DUOXA1: variants seen among roughly 807,000 people sequenced by gnomAD.
DUOXA1 encodes dual oxidase maturation factor 1.
DUOXA1 carries 19 observed loss-of-function variants against 26.6 expected under a neutral mutation model. The observed-to-expected ratio is 0.71, with a 90% CI of 0.50 to 1.05. DUOXA1 has a LOEUF of 1.05. Ranked by LOEUF, DUOXA1 falls within the 50% of genes least tolerant of loss-of-function variation. The pLI is 0.00. For missense variants in DUOXA1, 403 were observed against 427.5 expected, an observed-to-expected ratio of 0.94 and a Z score of 0.51; for synonymous variants, 166 against 177.0, an observed-to-expected ratio of 0.94 and a Z score of 0.49.
Position 45,117,981 on chromosome 15 carries a change from G to A in DUOXA1, c.*1125C>T. 6.2e-7 allele frequency: 1 copy of A among 1,612,512 alleles called. No individual in the cohort carries two copies. The highest frequency in any genetic ancestry group is 8.5e-7 in the Non-Finnish European group (1 of 1,179,546). On this transcript the variant is annotated 3_prime_UTR_variant, in exon 9 of 9. Transcript: ENST00000560572. ...CGGGAAGCAGTGCCCGCCAGGCCTG[G>A]GCCAGGAGAGCTCCAGGAAGGGCAC...
At position 45,120,212 on chromosome 15, in the gene DUOXA1, C is replaced by T. The variant is rs1391193682; in HGVS notation, c.663G>A (p.Leu221=). 5.0e-6 allele frequency: 8 copies of T among 1,614,090 alleles called. No individual in the cohort carries two copies. In the South Asian group the frequency reaches 8.8e-5, roughly 18 times the overall value. Residue 221 remains leucine (L), a synonymous_variant, in exon 8 of 9, where the codon CTG becomes CTA. Coordinates refer to ENST00000560572, the MANE Select transcript of DUOXA1 (RefSeq NM_001276266.2). ...GTGATGTGGCCATGGAGAAGAAGAGCAGAGCCAACAGCTGGAAGATGCCCG... is the reference window on the plus strand; with the variant it reads ...GTGATGTGGCCATGGAGAAGAAGAGTAGAGCCAACAGCTGGAAGATGCCCG... ...LATGIFQLLA[L]LFFSMATSLT...
chr15:45,126,413 T>C (rs1287608683), intron 3 of DUOXA1, among the ~76,000 whole-genome samples: 1 of 152,226 alleles, frequency 6.6e-6, no homozygotes, highest in Non-Finnish European at 1.5e-5. Flanking sequence ...TGGAATGCAC[T>C]CACTCTCTTG....
Position 45,118,825 on chromosome 15 carries a change from G to T in DUOXA1, c.*281C>A. Reference sequence around the variant, plus strand: ...GCATCTTGAAGAGGCAAGGCAGCACGGAAAGGCTGGGTTGCTGTGCAGATA... The same window carrying T: ...GCATCTTGAAGAGGCAAGGCAGCACTGAAAGGCTGGGTTGCTGTGCAGATA... On this transcript the variant is annotated 3_prime_UTR_variant, in exon 9 of 9. Transcript: ENST00000560572. The T allele has an allele frequency of 8.7e-7, 1 of 1,145,628 alleles. No individual in the cohort carries two copies. The highest frequency in any genetic ancestry group is 4.4e-5 in the East Asian group (1 of 22,820). The allele number at this position is 1,145,628 out of a possible 1,614,324, so 71.0% of individuals were successfully genotyped here.
chr15:45,120,341 G>C (rs1423225707), intron 7 of DUOXA1, 21 bp from the exon 8 acceptor site: 2 of 1,613,482 alleles, frequency 1.2e-6, no homozygotes, highest in East Asian at 4.5e-5. Context: ...AGGACCCAGT[G>C]AGGACTGGCC....
chr15:45,129,693 C>T lies in DUOXA1; in HGVS notation c.-302-78G>A, dbSNP rs1406309513. On this transcript the variant is annotated intron_variant, in intron 1 of 8. Transcript: ENST00000560572. This position sits in a 1 kb window ranked among gnomAD's most constrained non-coding sequence, Gnocchi z 4.1. Reference sequence around the variant, plus strand: ...TGTCGAGAGGATCTGAGGAGAGTCTCCCCTCCCCATACCCTCTCCGCCTCC... The same window carrying T: ...TGTCGAGAGGATCTGAGGAGAGTCTTCCCTCCCCATACCCTCTCCGCCTCC... 1 of 152,706 alleles carries T rather than the reference C, an allele frequency of 6.5e-6. No homozygotes were observed. The highest frequency in any genetic ancestry group is 1.5e-5 in the Non-Finnish European group (1 of 68,160). 9.5% of individuals were successfully genotyped at this position (152,706 alleles called of 1,614,324 possible).
Position 45,123,031 on chromosome 15 carries a change from AG to A in DUOXA1, c.-18del, listed in dbSNP as rs759678720. 7.5e-6 allele frequency: 12 copies of A among 1,602,398 alleles called. No homozygotes were observed. Among genetic ancestry groups the A allele is most frequent in the East Asian group, 4.5e-5 (2 of 44,544 alleles). Reference sequence around the variant, plus strand: ...AGTAGCCATCTTGGTGAGGTGGTGCAGGGGGGGCAATGCTGTACAACAACAA... The same window carrying A: ...AGTAGCCATCTTGGTGAGGTGGTGCAGGGGGGCAATGCTGTACAACAACAA... On this transcript the variant is annotated 5_prime_UTR_variant, in exon 4 of 9. Coordinates refer to ENST00000560572, the MANE Select transcript of DUOXA1 (RefSeq NM_001276266.2).
intron 3 of DUOXA1, among the ~76,000 whole-genome samples, chr15:45,126,935 A>G (rs528136176): frequency 1.3e-5 from 2 of 152,348 alleles, no homozygotes; most frequent in African/African-American, 4.8e-5. Context: ...AGACCCAAAC[A>G]TGAATTTTCA....
chr15:45,121,302 G>C (rs1274435964), intron 5 of DUOXA1, 81 bp from the exon 6 acceptor site: 78 of 1,600,124 alleles, frequency 4.9e-5, no homozygotes, highest in Non-Finnish European at 2.0e-5. Flanking sequence ...GAAATACAAG[G>C]GGTCCATGTC....
At chr15:45,128,715 G>A (rs1895895937) in intron 3 of DUOXA1, 1 of 152,182 alleles carries the variant, frequency 6.6e-6, no homozygotes, top group Admixed American at 6.5e-5. Flanking sequence ...GAATTCAAGG[G>A]TGCAGAATCA....
rs200256639 is a variant in DUOXA1, at chr15:45,119,187, C to A, written c.951G>T (p.Gln317His). ...YRSMADSPKSQDIPLSEASST... is the reference protein window; with the variant it reads ...YRSMADSPKSHDIPLSEASST... ...AGGAAGCCTCTGACAGGGGAATGTC[C>A]TGGGACTTGGGACTGTCAGCCATGG... Residue 317 changes from glutamine (Q) to histidine (H), a missense_variant, in exon 9 of 9, where the codon CAG becomes CAT. Coordinates refer to ENST00000560572, the MANE Select transcript of DUOXA1 (RefSeq NM_001276266.2). The A allele has an allele frequency of 1.5e-5, 24 of 1,613,798 alleles. No homozygotes were observed. In the East Asian group the frequency reaches 5.3e-4, roughly 36 times the overall value.
intron 3 of DUOXA1, among the ~76,000 whole-genome samples, chr15:45,127,217 C>T (rs530541026): frequency 1.4e-3 from 217 of 152,082 alleles, no homozygotes; most frequent in Admixed American, 3.2e-3. Context: ...ACATGTGATA[C>T]GCTGGAGTTC....
intron 3 of DUOXA1, among the ~76,000 whole-genome samples, chr15:45,124,194 C>G (rs911514452): frequency 5.9e-5 from 9 of 152,196 alleles, no homozygotes; most frequent in African/African-American, 2.2e-4. Flanking sequence ...AAAGAATAAG[C>G]TTGGGAGTCA....
At chr15:45,124,267 A>T (rs1412419615) in intron 3 of DUOXA1, among the ~76,000 whole-genome samples, 1 of 152,212 alleles carries the variant, frequency 6.6e-6, no homozygotes, top group Admixed American at 6.5e-5. Flanking sequence ...CTTTACAGAC[A>T]TCCAGTTTTA....
chr15:45,120,449 G>A, intron 7 of DUOXA1, 129 bp from the exon 8 acceptor site: 1 of 1,453,024 alleles, frequency 6.9e-7, no homozygotes, highest in Non-Finnish European at 9.6e-7. Context: ...TCCTTCCCAT[G>A]GACTTCCCAA....
chr15:45,120,525 T>A, intron 7 of DUOXA1, 67 bp downstream of exon 7: 1 of 1,563,308 alleles, frequency 6.4e-7, no homozygotes, highest in East Asian at 2.2e-5. Context: ...GGAGGAGAGA[T>A]GGGTAGAAAC....
At chr15:45,125,755 T>C (rs1275799674) in intron 3 of DUOXA1, among the ~76,000 whole-genome samples, 1 of 152,190 alleles carries the variant, frequency 6.6e-6, no homozygotes, top group Non-Finnish European at 1.5e-5. Flanking sequence ...ACTAGTTCTT[T>C]TTCCTCCCTG....
rs541186086 is a variant in DUOXA1 at position 45,117,425 on chromosome 15, G to C, written c.*1681C>G. ...ATTACCCTATTTGCCCCTCTCAATA[G>C]TTCGCAGAAACAGGCACTGTTATGA... On this transcript the variant is annotated 3_prime_UTR_variant, in exon 9 of 9. Transcript: ENST00000560572. 107 of 1,522,688 alleles carry C rather than the reference G, an allele frequency of 7.0e-5. No homozygotes were observed. In the African/African-American group the frequency reaches 1.3e-3, roughly 19 times the overall value. The allele number at this position is 1,522,688 out of a possible 1,614,324, so 94.3% of individuals were successfully genotyped here. A position where few individuals can be genotyped will look rare whatever the true frequency, so the allele number is the denominator to read the frequency against.
Position 45,118,760 on chromosome 15 carries a change from C to T in DUOXA1, c.*346G>A. On this transcript the variant is annotated 3_prime_UTR_variant, in exon 9 of 9. Transcript: ENST00000560572. ...AGGAGAATCATATGTAACCCCCACC[C>T]TGCTGGTGTTATGGGGGTGAAGTTA... 1 of 1,032,536 alleles carries T rather than the reference C, an allele frequency of 9.7e-7. No homozygotes were observed. Among genetic ancestry groups the T allele is most frequent in the African/African-American group, 1.7e-5 (1 of 59,114 alleles). 64.0% of individuals were successfully genotyped at this position (1,032,536 alleles called of 1,614,324 possible).
In DUOXA1 at chr15:45,120,578, C is replaced by T; in HGVS notation, c.554+14G>A. 6.2e-7 allele frequency: 1 copy of T among 1,613,774 alleles called. No individual in the cohort carries two copies. Among genetic ancestry groups the T allele is most frequent in the Non-Finnish European group, 8.5e-7 (1 of 1,179,692 alleles). Reference sequence around the variant, plus strand: ...GCTACCAGGGCCTCCACCCCGTCTCCTTCCCATCCTCACCATAGCATGGCT... The same window carrying T: ...GCTACCAGGGCCTCCACCCCGTCTCTTTCCCATCCTCACCATAGCATGGCT... On this transcript the variant is annotated intron_variant, in intron 7 of 8. Coordinates refer to ENST00000560572, the MANE Select transcript of DUOXA1 (RefSeq NM_001276266.2).
Sources: allele counts gnomAD v4.1 joint callset (sites outside exome capture counted in the v4.1 genomes callset), GRCh38; gene constraint gnomAD v4.1.1; non-coding constraint Gnocchi (gnomAD v3.1); transcripts MANE v1.5; gene names NCBI Gene and HGNC (gene_info 2026-07-23, HGNC 2026-07-21).